CPAMD8: variants seen among roughly 807,000 people sequenced by gnomAD.
The protein encoded by CPAMD8 is C3 and PZP like alpha-2-macroglobulin domain containing 8, also known as C3 and PZP-like alpha-2-macroglobulin domain-containing protein 8.
CPAMD8 carries 146 observed loss-of-function variants against 224.7 expected under a neutral mutation model. That is an observed-to-expected ratio of 0.65 (90% CI 0.57 to 0.75). The LOEUF (loss-of-function observed/expected upper bound fraction) is 0.75. CPAMD8 is among the 30% of genes least tolerant of loss of function. The pLI is 0.00. For synonymous variants in CPAMD8, 966 were observed against 1,044.6 expected, an observed-to-expected ratio of 0.92 and a Z score of 1.45; for missense variants, 2,301 against 2,537.5, an observed-to-expected ratio of 0.91 and a Z score of 2.00.
Position 17,026,718 on chromosome 19 carries a change from G to C in CPAMD8, c.-76C>G, listed in dbSNP as rs544609828. 10 of 1,228,120 alleles carry C rather than the reference G, an allele frequency of 8.1e-6. No homozygotes were observed. The South Asian group carries it at 1.1e-4, about 14-fold the overall frequency. The allele number at this position is 1,228,120 out of a possible 1,614,324, so 76.1% of individuals were successfully genotyped here. A position where few individuals can be genotyped will look rare whatever the true frequency, so the allele number is the denominator to read the frequency against. ...TGGGCCAGGGCCAGGGTCCGAGCGC[G>C]GCCGTCCTCGCGCCGCCGCCGGGGG... On this transcript the variant is annotated 5_prime_UTR_variant, in exon 1 of 42. Transcript: ENST00000443236.
At chr19:16,948,384 G>A (rs2054175513) in intron 20 of CPAMD8, among the ~76,000 whole-genome samples, 1 of 152,148 alleles carries the variant, frequency 6.6e-6, no homozygotes, top group Non-Finnish European at 1.5e-5. Flanking sequence ...CTAGATCTGA[G>A]AGCCAATGGC....
chr19:16,941,013 C>A (rs1193151819), intron 22 of CPAMD8, among the ~76,000 whole-genome samples: 2 of 152,238 alleles, frequency 1.3e-5, no homozygotes, highest in Non-Finnish European at 2.9e-5. Flanking sequence ...TCACTGCAAC[C>A]TCTGCCTCCC....
rs756435143 is a variant in CPAMD8 at position 16,907,044 on chromosome 19, C to T, written c.3935G>A (p.Ser1312Asn). ...SAAPLAMDPY[S>N]CALTTYALTL... ...CAGCGCGTAGGTAGTCAGGGCACAG[C>T]TATAAGGGTCCATGGCCAGGGGCGC... is the stretch of plus-strand genomic sequence containing the variant. The change falls in exon 30 of 42, where the codon AGC (serine) becomes AAC (asparagine). Residue 1312 changes from serine (S) to asparagine (N), a missense_variant. Ser to Asn is a conservative substitution (Grantham distance 46, BLOSUM62 1). Around this residue, in one of 4 missense-constraint regions of CPAMD8, gnomAD observed 1,709 missense variants for 1,753.2 expected, o/e 0.97. Transcript: ENST00000443236. 1 of 1,608,264 alleles carries T rather than the reference C, an allele frequency of 6.2e-7. No homozygotes were observed. Among genetic ancestry groups the T allele is most frequent in the East Asian group, 2.2e-5 (1 of 44,666 alleles).
At chr19:16,973,148 GACAAA>G (rs1295749984) in intron 17 of CPAMD8, among the ~76,000 whole-genome samples, 1 of 152,122 alleles carries the variant, frequency 6.6e-6, no homozygotes. Context: ...CAGCCTGGGT[GACAAA>G]GTGAGATCTT....
chr19:16,920,050 G>T (rs924377465), intron 27 of CPAMD8, among the ~76,000 whole-genome samples: 1 of 152,190 alleles, frequency 6.6e-6, no homozygotes, highest in Non-Finnish European at 1.5e-5. Context: ...GGTGGGTGCT[G>T]CTGCCACTGC....
At position 16,993,578 on chromosome 19, in the gene CPAMD8, T is replaced by G. The variant is rs774779055; in HGVS notation, c.1104A>C (p.Leu368=). 5 of 1,613,976 alleles carry G rather than the reference T, an allele frequency of 3.1e-6. No homozygotes were observed. The highest frequency in any genetic ancestry group is 1.7e-5 in the Admixed American group (1 of 59,986). The change falls in exon 12 of 42, where the codon CTA becomes CTC. Residue 368 remains leucine, a synonymous_variant. Coordinates refer to ENST00000443236, the MANE Select transcript of CPAMD8 (RefSeq NM_015692.5). ...CAGCTGGGCTGCCATCGGGGTAGGA[T>G]AGCTCCACCTAGAAAAGGTCACCCA... ...PGLAYVGKVE[L]SYPDGSPAEG...
At chr19:16,967,381 C>T (rs546030420) in intron 18 of CPAMD8, among the ~76,000 whole-genome samples, 3 of 152,000 alleles carry the variant, frequency 2.0e-5, no homozygotes, top group Non-Finnish European at 4.4e-5. Flanking sequence ...GGAGTAATAC[C>T]TAATGTAAAT....
In CPAMD8 at chr19:16,928,233, A is replaced by G. The variant is rs960584015; in HGVS notation, c.3146T>C (p.Val1049Ala). 6.2e-7 allele frequency: 1 copy of G among 1,608,784 alleles called. No individual in the cohort carries two copies. The highest frequency in any genetic ancestry group is 1.3e-5 in the African/African-American group (1 of 74,800). The change falls in exon 25 of 42, where the codon GTT becomes GCT. Residue 1049 changes from valine to alanine, a missense_variant and splice_region_variant. Coordinates refer to ENST00000443236, the MANE Select transcript of CPAMD8 (RefSeq NM_015692.5). ...WISWRGGLIQ[V>A]GHGPEPSNES... Reference sequence around the variant, plus strand: ...ATTGGATGGCTCTGGACCATGGCCAACCTGGAAAAAGAAACCAAGGCTGCT... The same window carrying G: ...ATTGGATGGCTCTGGACCATGGCCAGCCTGGAAAAAGAAACCAAGGCTGCT...
At position 17,003,719 on chromosome 19, in the gene CPAMD8, A is replaced by G. The variant is rs537200449; in HGVS notation, c.673+554T>C. On this transcript the variant is annotated intron_variant, in intron 8 of 41. Coordinates refer to ENST00000443236, the MANE Select transcript of CPAMD8 (RefSeq NM_015692.5). ...CTTGAACTTGGGAAGTCAAGGCTTC[A>G]GTGAGCCAAGATCGCACCACTGCAC... 1.4e-4 allele frequency among the ~76,000 whole-genome samples: 21 copies of G among 149,956 alleles called. No individual in the cohort carries two copies. The South Asian group carries it at 4.1e-3, about 29-fold the overall frequency.
chr19:16,959,468 C>A (rs745437177), intron 18 of CPAMD8, among the ~76,000 whole-genome samples: 1 of 152,022 alleles, frequency 6.6e-6, no homozygotes, highest in Non-Finnish European at 1.5e-5. Flanking sequence ...GGCCACTGTG[C>A]CTGGCCTGAT....
At chr19:17,012,336 T>A (rs988596893) in intron 3 of CPAMD8, among the ~76,000 whole-genome samples, 1 of 126,416 alleles carries the variant, frequency 7.9e-6, no homozygotes, top group Non-Finnish European at 1.8e-5. Flanking sequence ...TTTTCTTTCT[T>A]TCTTTCTTTC....
intron 13 of CPAMD8, among the ~76,000 whole-genome samples, chr19:16,981,255 G>T (rs1296217061): frequency 6.6e-6 from 1 of 152,134 alleles, no homozygotes; most frequent in Non-Finnish European, 1.5e-5. Context: ...CCGCTACTCA[G>T]GGGGCTGAAG....
rs1599770247 is a variant in CPAMD8, at chr19:16,952,253, C to T, written c.2277-53G>A. 4.8e-6 allele frequency: 5 copies of T among 1,034,676 alleles called. No individual in the cohort carries two copies. In the East Asian group the frequency reaches 1.3e-4, roughly 27 times the overall value. 64.1% of individuals were successfully genotyped at this position (1,034,676 alleles called of 1,614,324 possible). A position where few individuals can be genotyped will look rare whatever the true frequency, so the allele number is the denominator to read the frequency against. Reference sequence around the variant, plus strand: ...GGGGCCCTTCTCCAGGGCCATGCCTCAGGGGGGCCAGTGGGCATGGATGAC... The same window carrying T: ...GGGGCCCTTCTCCAGGGCCATGCCTTAGGGGGGCCAGTGGGCATGGATGAC... On this transcript the variant is annotated intron_variant, in intron 19 of 41. Coordinates refer to ENST00000443236, the MANE Select transcript of CPAMD8 (RefSeq NM_015692.5).
At position 16,980,492 on chromosome 19, in the gene CPAMD8, C is replaced by T; in HGVS notation, c.1585+5G>A. On this transcript the variant is annotated splice_donor_5th_base_variant and intron_variant, in intron 14 of 41. Coordinates refer to ENST00000443236, the MANE Select transcript of CPAMD8 (RefSeq NM_015692.5). ...CAGGAACCTTCTCCCTGCTGCCCGG[C>T]TCACCTGTCTCAGAAAGGTGTGTTA... The T allele has an allele frequency of 1.2e-6, 2 of 1,611,910 alleles. No individual in the cohort carries two copies. The highest frequency in any genetic ancestry group is 1.7e-6 in the Non-Finnish European group (2 of 1,179,528).
intron 26 of CPAMD8, among the ~76,000 whole-genome samples, chr19:16,924,933 T>C (rs554007466): frequency 1.9e-4 from 28 of 148,628 alleles, no homozygotes; most frequent in Non-Finnish European, 3.2e-4. Flanking sequence ...GTTATATTAT[T>C]ATTGTTGTAA....
chr19:17,010,276 C>T (rs535386119), intron 5 of CPAMD8, among the ~76,000 whole-genome samples: 18 of 151,816 alleles, frequency 1.2e-4, no homozygotes, highest in Admixed American at 5.9e-4. Flanking sequence ...CTTTGCTGCC[C>T]GGGCTGGAGT....
In CPAMD8 at chr19:16,896,503, C is replaced by A. The variant is rs549968603; in HGVS notation, c.5228G>T (p.Arg1743Leu). ...SACRLREAAC[R>L]QAAPLEPAPP... ...CGCGGGCTCCAGGGGCGCGGCCTGG[C>A]GGCAGGCGGCCTCCCGCAGGCGGCA... Residue 1743 changes from arginine (R) to leucine (L), a missense_variant, in exon 40 of 42, where the codon CGC becomes CTC. Arg to Leu is a moderately radical substitution (Grantham distance 102). Transcript: ENST00000443236. 106 of 1,426,424 alleles carry A rather than the reference C, an allele frequency of 7.4e-5. 2 individuals carry two copies. The South Asian group carries it at 1.3e-3, about 17-fold the overall frequency. 88.4% of individuals were successfully genotyped at this position (1,426,424 alleles called of 1,614,324 possible). A position where few individuals can be genotyped will look rare whatever the true frequency, so the allele number is the denominator to read the frequency against.
At chr19:16,962,674 T>C (rs1392355062) in intron 18 of CPAMD8, among the ~76,000 whole-genome samples, 4 of 152,134 alleles carry the variant, frequency 2.6e-5, no homozygotes, top group Non-Finnish European at 5.9e-5. Flanking sequence ...AACATTCAAA[T>C]TCAGGAAATA....
intron 21 of CPAMD8, 58 bp downstream of exon 21, chr19:16,947,016 C>G (rs2054124322): frequency 6.5e-7 from 1 of 1,528,396 alleles, no homozygotes; most frequent in Non-Finnish European, 8.8e-7. Context: ...CGGGTCAATG[C>G]CAGGACACTT....
Sources: allele counts gnomAD v4.1 joint callset (sites outside exome capture counted in the v4.1 genomes callset), GRCh38; gene constraint gnomAD v4.1.1; regional missense constraint gnomAD v4.1.1; transcripts MANE v1.5; gene names NCBI Gene and HGNC (gene_info 2026-07-23, HGNC 2026-07-21).